TMEM196: variants seen among roughly 807,000 people sequenced by gnomAD.
The protein encoded by TMEM196 is transmembrane protein 196.
Under a neutral mutation model 20.0 loss-of-function variants are expected in TMEM196, and 17 were observed. The observed-to-expected ratio is 0.85, with a 90% CI of 0.58 to 1.27. The LOEUF is 1.27. Among genes scored for constraint, TMEM196 ranks in the 50% most tolerant of loss-of-function variants. The pLI, the probability that TMEM196 is intolerant of heterozygous loss-of-function variation, is 0.00. For missense variants in TMEM196, 267 were observed against 223.0 expected, an observed-to-expected ratio of 1.20 and a Z score of -1.26; for synonymous variants, 113 against 88.9, an observed-to-expected ratio of 1.27 and a Z score of -1.52.
chr7:19,772,417 A>G, intron 1 of TMEM196, 133 bp downstream of exon 1: 1 of 974,138 alleles, frequency 1.0e-6, no homozygotes, highest in Non-Finnish European at 1.4e-6. Context: ...GTCAGCATGA[A>G]CCTACATGCA....
intron 1 of TMEM196, among the ~76,000 whole-genome samples, chr7:19,729,795 C>T (rs1202392682): frequency 6.6e-6 from 1 of 152,084 alleles, no homozygotes; most frequent in Non-Finnish European, 1.5e-5. Context: ...CACTTAACAA[C>T]TAGAAATCAG....
intron 1 of TMEM196, among the ~76,000 whole-genome samples, chr7:19,743,384 A>T (rs1784642515): frequency 6.6e-6 from 1 of 152,064 alleles, no homozygotes. Context: ...AGAGCAGTTG[A>T]TTTGAGGCCT....
chr7:19,747,118 A>G (rs927608043), intron 1 of TMEM196, among the ~76,000 whole-genome samples: 178 of 150,618 alleles, frequency 1.2e-3, no homozygotes, highest in African/African-American at 3.7e-3. Flanking sequence ...AGCCGGGCGT[A>G]GTGGCGGGCG....
chr7:19,722,554 C>T lies in TMEM196; in HGVS notation c.534-420G>A, dbSNP rs1264095445. Among the ~76,000 whole-genome samples the T allele has an allele frequency of 3.3e-5, 5 of 152,078 alleles. No homozygotes were observed. The East Asian group carries it at 7.7e-4, about 23-fold the overall frequency. On this transcript the variant is annotated intron_variant, in intron 4 of 4. Coordinates refer to ENST00000405844, the MANE Select transcript of TMEM196 (RefSeq NM_001363562.2). ...CTTTATTCTACAGGAAAATGTGTGG[C>T]CTTTTTGCTAAGAACAGAAAAAGGC... is the stretch of plus-strand genomic sequence containing the variant.
In TMEM196 at chr7:19,721,316, C is replaced by A. The variant is rs943470801; in HGVS notation, c.*812G>T. 6 of 151,900 alleles carry A rather than the reference C, an allele frequency of 3.9e-5. No homozygotes were observed. The highest frequency in any genetic ancestry group is 7.4e-5 in the Non-Finnish European group (5 of 67,830). The allele number at this position is 151,900 out of a possible 1,614,324, so 9.4% of individuals were successfully genotyped here. A position where few individuals can be genotyped will look rare whatever the true frequency, so the allele number is the denominator to read the frequency against. ...ACATTCATGTATGCTATAATATATG[C>A]TGTATACATGTTCTATATTTACAGT... On this transcript the variant is annotated 3_prime_UTR_variant, in exon 5 of 5. Transcript: ENST00000405844.
At chr7:19,756,853 G>A (rs960702351) in intron 1 of TMEM196, among the ~76,000 whole-genome samples, 3 of 151,918 alleles carry the variant, frequency 2.0e-5, no homozygotes, top group Non-Finnish European at 4.4e-5. Flanking sequence ...ATCACTGATG[G>A]GCAATTAGGT....
intron 1 of TMEM196, among the ~76,000 whole-genome samples, chr7:19,760,973 A>G (rs567727908): frequency 6.6e-6 from 1 of 152,274 alleles, no homozygotes; most frequent in Middle Eastern, 3.4e-3. Flanking sequence ...CTTTTGTCTC[A>G]TCCCAACCCA....
chr7:19,744,331 G>A (rs1182785480), intron 1 of TMEM196, among the ~76,000 whole-genome samples: 3 of 152,046 alleles, frequency 2.0e-5, no homozygotes, highest in African/African-American at 7.2e-5. Context: ...GTATGTCTTT[G>A]TAGTATTATA....
chr7:19,726,634 T>TA (rs1299023346), intron 2 of TMEM196, among the ~76,000 whole-genome samples: 1 of 151,966 alleles, frequency 6.6e-6, no homozygotes, highest in East Asian at 1.9e-4. Flanking sequence ...TTAATAGAGC[T>TA]AGGGGGGTTT....
intron 1 of TMEM196, among the ~76,000 whole-genome samples, chr7:19,747,269 A>C (rs1443056647): frequency 9.2e-6 from 1 of 108,122 alleles, no homozygotes; most frequent in East Asian, 3.3e-3. Flanking sequence ...AAATAAATAA[A>C]TAAAATAAAA....
chr7:19,755,133 A>G (rs990266482), intron 1 of TMEM196, among the ~76,000 whole-genome samples: 2 of 152,184 alleles, frequency 1.3e-5, no homozygotes, highest in African/African-American at 4.8e-5. Context: ...ATCAGGATTC[A>G]GTGCAATTAT....
At chr7:19,757,973 T>C (rs1251065726) in intron 1 of TMEM196, among the ~76,000 whole-genome samples, 2 of 151,356 alleles carry the variant, frequency 1.3e-5, no homozygotes, top group Non-Finnish European at 2.9e-5. Flanking sequence ...TACTTTTTTT[T>C]TTTTTTACTA....
At chr7:19,749,376 C>T (rs1389990764) in intron 1 of TMEM196, among the ~76,000 whole-genome samples, 2 of 152,262 alleles carry the variant, frequency 1.3e-5, no homozygotes, top group Non-Finnish European at 1.5e-5. Flanking sequence ...AAAAGCCATC[C>T]ATTTAGCATG....
rs11975456 is a variant in TMEM196 at position 19,749,061 on chromosome 7, T to C, written c.148-19623A>G. On this transcript the variant is annotated intron_variant, in intron 1 of 4. Transcript: ENST00000405844. ...GATTATTGGCAATTTTAATGTCATT[T>C]TGTTATTTTGTATTTTTCCAATTTT... 2.3e-3 allele frequency among the ~76,000 whole-genome samples: 347 copies of C among 152,342 alleles called. 2 individuals are homozygous for C. Among genetic ancestry groups the C allele is most frequent in the African/African-American group, 8.1e-3 (335 of 41,580 alleles).
intron 1 of TMEM196, among the ~76,000 whole-genome samples, chr7:19,738,000 T>A (rs1337583705): frequency 6.6e-6 from 1 of 151,918 alleles, no homozygotes; most frequent in African/African-American, 2.4e-5. Context: ...ATAACTATAA[T>A]AAAATGTATA....
At chr7:19,771,817 G>A (rs1583468546) in intron 1 of TMEM196, among the ~76,000 whole-genome samples, 1 of 152,190 alleles carries the variant, frequency 6.6e-6, no homozygotes, top group African/African-American at 2.4e-5. Flanking sequence ...AACTATGACA[G>A]TTTCTCTGAG....
At position 19,754,862 on chromosome 7, in the gene TMEM196, AT is replaced by A. The variant is rs369599393; in HGVS notation, c.147+17687del. 9.7e-4 allele frequency among the ~76,000 whole-genome samples: 148 copies of A among 152,122 alleles called. 2 individuals are homozygous for A. The highest frequency in any genetic ancestry group is 3.4e-3 in the African/African-American group (143 of 41,490). ...TCTGATCACGAATCTATATAACCCT[AT>A]TTTTTCCCACTCATTTTTAGCAGGC... is the stretch of plus-strand genomic sequence containing the variant. On this transcript the variant is annotated intron_variant, in intron 1 of 4. Coordinates refer to ENST00000405844, the MANE Select transcript of TMEM196 (RefSeq NM_001363562.2).
At chr7:19,733,757 AG>A (rs1021237840) in intron 1 of TMEM196, among the ~76,000 whole-genome samples, 2 of 152,148 alleles carry the variant, frequency 1.3e-5, no homozygotes, top group Non-Finnish European at 2.9e-5. Context: ...ATTGGAGAAG[AG>A]GCAGGAGCCT....
At chr7:19,757,175 CT>C (rs34970427) in intron 1 of TMEM196, among the ~76,000 whole-genome samples, 222 of 134,360 alleles carry the variant, frequency 1.7e-3, no homozygotes, top group Middle Eastern at 3.9e-3. Context: ...GCAGTAGATA[CT>C]TTTTTTTTTT....
Sources: allele counts gnomAD v4.1 joint callset (sites outside exome capture counted in the v4.1 genomes callset), GRCh38; gene constraint gnomAD v4.1.1; transcripts MANE v1.5; gene names NCBI Gene and HGNC (gene_info 2026-07-23, HGNC 2026-07-21).